MSRA: variants seen among roughly 807,000 people sequenced by gnomAD.
MSRA encodes the protein mitochondrial peptide methionine sulfoxide reductase.
Under a neutral mutation model 31.3 loss-of-function variants are expected in MSRA, and 54 were observed. The ratio of observed to expected loss-of-function variants is 1.73; its 90% CI spans 1.39 to 2.17. The LOEUF is 2.17. MSRA is among the 30% of genes most tolerant of loss of function. MSRA has a pLI of 0.00. For missense variants in MSRA, 507 were observed against 300.9 expected, an observed-to-expected ratio of 1.69 and a Z score of -5.07; for synonymous variants, 169 against 116.5, an observed-to-expected ratio of 1.45 and a Z score of -2.90.
chr8:10,312,615 A>G (rs746915954), intron 4 of MSRA, among the ~76,000 whole-genome samples: 41 of 152,336 alleles, frequency 2.7e-4, no homozygotes, highest in Non-Finnish European at 4.7e-4. Context: ...TTGTAGGACA[A>G]TCTTACTTAT....
chr8:10,277,415 C>T (rs1337690793), intron 3 of MSRA, among the ~76,000 whole-genome samples: 1 of 152,166 alleles, frequency 6.6e-6, no homozygotes, highest in Admixed American at 6.5e-5. Context: ...CTGTTTATGC[C>T]TCTTTCCATA....
At chr8:10,100,986 C>T (rs186623522) in intron 1 of MSRA, among the ~76,000 whole-genome samples, 1 of 152,164 alleles carries the variant, frequency 6.6e-6, no homozygotes. Flanking sequence ...ATTAGCCCTT[C>T]TAAGTTATTG....
chr8:10,057,541 T>C (rs976821823), intron 1 of MSRA, among the ~76,000 whole-genome samples: 3 of 152,192 alleles, frequency 2.0e-5, no homozygotes, highest in African/African-American at 4.8e-5. Context: ...CCAATATGGT[T>C]TGGTTTTGTG....
rs191122479 is a variant in MSRA, at chr8:10,391,895, C to T, written c.544-36253C>T. On this transcript the variant is annotated intron_variant, in intron 5 of 5. Coordinates refer to ENST00000317173, the MANE Select transcript of MSRA (RefSeq NM_012331.5). ...ACGTTTCTTCATGGTGCTGATCATG[C>T]AGTGAACATTTCCTGACCTATGGAA... Among the ~76,000 whole-genome samples the T allele has an allele frequency of 2.6e-5, 4 of 152,240 alleles. No individual in the cohort carries two copies. In the East Asian group the frequency reaches 7.7e-4, roughly 29 times the overall value.
chr8:10,056,993 A>G (rs1018848800), intron 1 of MSRA, among the ~76,000 whole-genome samples: 1 of 152,200 alleles, frequency 6.6e-6, no homozygotes, highest in African/African-American at 2.4e-5. Context: ...TTACCATCTT[A>G]GCGTTCATCC....
At chr8:10,408,024 C>T (rs980449756) in intron 5 of MSRA, among the ~76,000 whole-genome samples, 1 of 152,144 alleles carries the variant, frequency 6.6e-6, no homozygotes, top group African/African-American at 2.4e-5. Context: ...AAAAAATTGA[C>T]AAGCTTCGAC....
At chr8:10,271,998 G>T (rs906460847) in intron 3 of MSRA, among the ~76,000 whole-genome samples, 2 of 152,184 alleles carry the variant, frequency 1.3e-5, no homozygotes, top group Admixed American at 6.5e-5. Context: ...GTGAGCCACT[G>T]TGCCCGGCCA....
At chr8:10,386,331 G>T (rs1006010082) in intron 5 of MSRA, among the ~76,000 whole-genome samples, 3 of 152,094 alleles carry the variant, frequency 2.0e-5, no homozygotes, top group African/African-American at 7.2e-5. Flanking sequence ...AATTTTCTCT[G>T]ATCAGACGTT....
chr8:10,170,328 A>C (rs1805487846), intron 1 of MSRA, among the ~76,000 whole-genome samples: 1 of 152,170 alleles, frequency 6.6e-6, no homozygotes, highest in African/African-American at 2.4e-5. Context: ...GCATGGAGTT[A>C]GTGCTCTTAT....
At chr8:10,093,924 A>G (rs776900924) in intron 1 of MSRA, among the ~76,000 whole-genome samples, 10 of 152,322 alleles carry the variant, frequency 6.6e-5, no homozygotes, top group Non-Finnish European at 1.3e-4. Flanking sequence ...CTCTTTGACT[A>G]TGTTATCCCA....
intron 2 of MSRA, among the ~76,000 whole-genome samples, chr8:10,228,239 T>C (rs1360269172): frequency 6.6e-6 from 1 of 152,198 alleles, no homozygotes; most frequent in Non-Finnish European, 1.5e-5. Flanking sequence ...TTGAGGGTCC[T>C]TTTGTTGCCC....
At chr8:10,347,539 C>G (rs1472887157) in intron 5 of MSRA, among the ~76,000 whole-genome samples, 1 of 152,172 alleles carries the variant, frequency 6.6e-6, no homozygotes, top group African/African-American at 2.4e-5. Flanking sequence ...TTATTCCCAC[C>G]TCAGCCTTTG....
intron 1 of MSRA, among the ~76,000 whole-genome samples, chr8:10,110,117 C>T (rs979318289): frequency 6.6e-6 from 1 of 152,122 alleles, no homozygotes; most frequent in Non-Finnish European, 1.5e-5. Context: ...CTCTGCCCAG[C>T]GTTCTGACAC....
intron 1 of MSRA, among the ~76,000 whole-genome samples, chr8:10,171,614 G>C (rs1405851908): frequency 6.6e-6 from 1 of 152,168 alleles, no homozygotes; most frequent in Non-Finnish European, 1.5e-5. Context: ...ACATTTGATA[G>C]CACAGGCAAC....
At chr8:10,185,686 G>T (rs991464865) in intron 1 of MSRA, among the ~76,000 whole-genome samples, 1 of 152,174 alleles carries the variant, frequency 6.6e-6, no homozygotes, top group Non-Finnish European at 1.5e-5. Context: ...GGTATTTTCT[G>T]TTTCAGCTAC....
intron 1 of MSRA, among the ~76,000 whole-genome samples, chr8:10,175,095 C>T (rs1298709196): frequency 6.6e-6 from 1 of 152,128 alleles, no homozygotes; most frequent in African/African-American, 2.4e-5. Context: ...CTGTCTAGCC[C>T]CTTTCCCACA....
intron 5 of MSRA, among the ~76,000 whole-genome samples, chr8:10,323,314 A>C (rs1408360439): frequency 1.3e-5 from 2 of 152,152 alleles, no homozygotes; most frequent in African/African-American, 4.8e-5. Flanking sequence ...CACATATGAT[A>C]ATGCCATCTA....
At chr8:10,173,795 C>G (rs1805804769) in intron 1 of MSRA, among the ~76,000 whole-genome samples, 1 of 152,206 alleles carries the variant, frequency 6.6e-6, no homozygotes, top group African/African-American at 2.4e-5. Flanking sequence ...CCTAGTCTGT[C>G]CCATCTTAGG....
chr8:10,377,254 C>T (rs529306075), intron 5 of MSRA, among the ~76,000 whole-genome samples: 1 of 152,400 alleles, frequency 6.6e-6, no homozygotes, highest in East Asian at 1.9e-4. Context: ...TTACATTTGA[C>T]ATTCTTGCCT....
Sources: allele counts gnomAD v4.1 joint callset (sites outside exome capture counted in the v4.1 genomes callset), GRCh38; gene constraint gnomAD v4.1.1; transcripts MANE v1.5; gene names NCBI Gene and HGNC (gene_info 2026-07-23, HGNC 2026-07-21).